Variants in ATP9B observed in about 807,000 individuals in gnomAD.
The protein encoded by ATP9B is probable phospholipid-transporting ATPase IIB.
In ATP9B, 110 loss-of-function variants were observed where a neutral mutation model predicts 146.1. The ratio of observed to expected loss-of-function variants is 0.75; its 90% CI spans 0.65 to 0.88. ATP9B has a LOEUF of 0.88. Among genes scored for constraint, ATP9B ranks in the 40% least tolerant of loss-of-function variants. The pLI, the probability that ATP9B is intolerant of heterozygous loss-of-function variation, is 0.00. For missense variants in ATP9B, 1,499 were observed against 1,496.4 expected, an observed-to-expected ratio of 1.00 and a Z score of -0.03; for synonymous variants, 604 against 569.7, an observed-to-expected ratio of 1.06 and a Z score of -0.86.
chr18:79,100,880 C>T (rs1047042181), intron 2 of ATP9B, among the ~76,000 whole-genome samples: 2 of 152,096 alleles, frequency 1.3e-5, no homozygotes, highest in Non-Finnish European at 2.9e-5. Context: ...CATCAGATCT[C>T]GTGAGACTCA....
chr18:79,104,695 G>A lies in ATP9B; in HGVS notation c.294-5660G>A, dbSNP rs76475825. ...TAGCAGCAAAAACACCCGTGTTTGCGGGAGTTAAAACAGCTTAGTAAAATA... is the reference window on the plus strand; with the variant it reads ...TAGCAGCAAAAACACCCGTGTTTGCAGGAGTTAAAACAGCTTAGTAAAATA... On this transcript the variant is annotated intron_variant, in intron 2 of 29. Transcript: ENST00000426216. 5.5e-3 allele frequency among the ~76,000 whole-genome samples: 836 copies of A among 152,056 alleles called. 9 individuals are homozygous for A. The highest frequency in any genetic ancestry group is 0.019 in the African/African-American group (804 of 41,478).
intron 8 of ATP9B, among the ~76,000 whole-genome samples, chr18:79,182,510 G>A (rs980548542): frequency 6.6e-6 from 1 of 151,950 alleles, no homozygotes; most frequent in African/African-American, 2.4e-5. Flanking sequence ...TGTCTAAAGT[G>A]GTAAATCTCT....
chr18:79,309,759 A>G (rs1162007803), intron 15 of ATP9B, among the ~76,000 whole-genome samples: 3 of 152,176 alleles, frequency 2.0e-5, no homozygotes, highest in African/African-American at 7.2e-5. Flanking sequence ...CGTGTTGGTT[A>G]CGCAACTCTG....
chr18:79,327,813 GTTCT>G (rs2096765041), intron 15 of ATP9B, among the ~76,000 whole-genome samples: 1 of 126,368 alleles, frequency 7.9e-6, no homozygotes, highest in African/African-American at 3.0e-5. Context: ...TGGTTAGCGT[GTTCT>G]CCGTGGTTAG....
At chr18:79,335,544 T>C (rs913612302) in intron 17 of ATP9B, among the ~76,000 whole-genome samples, 4 of 152,252 alleles carry the variant, frequency 2.6e-5, no homozygotes, top group African/African-American at 9.6e-5. Flanking sequence ...CATGTCTTGC[T>C]TTAACACGCA....
intron 10 of ATP9B, 94 bp from the exon 11 acceptor site, chr18:79,213,868 G>A: frequency 2.2e-6 from 2 of 916,696 alleles, no homozygotes; most frequent in South Asian, 1.8e-5. Context: ...CAAATAGTGT[G>A]ATAATACTTT....
At chr18:79,211,401 G>C (rs901528846) in intron 10 of ATP9B, among the ~76,000 whole-genome samples, 15 of 152,214 alleles carry the variant, frequency 9.9e-5, no homozygotes, top group African/African-American at 3.6e-4. Context: ...TGATTGAACA[G>C]AAGTTGGACA....
intron 19 of ATP9B, among the ~76,000 whole-genome samples, chr18:79,339,401 C>T (rs1305869254): frequency 1.4e-5 from 2 of 139,464 alleles, no homozygotes; most frequent in East Asian, 2.2e-4. Flanking sequence ...TGCATGATTG[C>T]AGTAGGAAGT....
chr18:79,373,825 G>T, intron 27 of ATP9B, 73 bp from the exon 28 acceptor site: 1 of 1,515,496 alleles, frequency 6.6e-7, no homozygotes, highest in Admixed American at 1.7e-5. Context: ...TGACGTTGCT[G>T]GTTCAAGGCT....
intron 7 of ATP9B, among the ~76,000 whole-genome samples, chr18:79,157,206 A>T (rs1055891994): frequency 8.9e-6 from 1 of 112,108 alleles, no homozygotes; most frequent in Non-Finnish European, 1.8e-5. Flanking sequence ...ACTAAAAAAA[A>T]TACACACACA....
At chr18:79,317,094 G>T (rs2096684969) in intron 15 of ATP9B, among the ~76,000 whole-genome samples, 1 of 152,052 alleles carries the variant, frequency 6.6e-6, no homozygotes, top group Non-Finnish European at 1.5e-5. Flanking sequence ...GACGAGAAAA[G>T]AAATTTAGAA....
At chr18:79,222,513 G>A (rs2095689977) in intron 11 of ATP9B, among the ~76,000 whole-genome samples, 1 of 152,184 alleles carries the variant, frequency 6.6e-6, no homozygotes, top group South Asian at 2.1e-4. Context: ...CCCACCCCCT[G>A]GAATGGGACC....
chr18:79,209,874 G>A (rs2095567875), intron 10 of ATP9B, among the ~76,000 whole-genome samples: 1 of 152,150 alleles, frequency 6.6e-6, no homozygotes, highest in South Asian at 2.1e-4. Flanking sequence ...AGGAATGTTT[G>A]AAAGATTTTA....
At chr18:79,079,539 C>A (rs1010310295) in intron 1 of ATP9B, among the ~76,000 whole-genome samples, 3 of 152,136 alleles carry the variant, frequency 2.0e-5, no homozygotes, top group African/African-American at 7.2e-5. Context: ...GTAGATTCTG[C>A]ATATTAGCCC....
intron 11 of ATP9B, among the ~76,000 whole-genome samples, chr18:79,229,369 T>C (rs543578861): frequency 7.6e-4 from 116 of 152,238 alleles, no homozygotes; most frequent in African/African-American, 2.8e-3. Context: ...AGGCAACAGT[T>C]TTCTTAAGTT....
intron 6 of ATP9B, among the ~76,000 whole-genome samples, chr18:79,154,121 T>G (rs1053816325): frequency 9.1e-5 from 11 of 120,402 alleles, no homozygotes; most frequent in African/African-American, 3.6e-4. Flanking sequence ...GCCCAGCTAA[T>G]TTTTTGCATT....
At chr18:79,160,923 C>A (rs2094869959) in intron 7 of ATP9B, among the ~76,000 whole-genome samples, 1 of 152,182 alleles carries the variant, frequency 6.6e-6, no homozygotes, top group South Asian at 2.1e-4. Flanking sequence ...AGGCACGCCA[C>A]CACTCCTGGC....
At chr18:79,173,495 G>T (rs1428248276) in intron 7 of ATP9B, among the ~76,000 whole-genome samples, 1 of 151,152 alleles carries the variant, frequency 6.6e-6, no homozygotes, top group Admixed American at 6.6e-5. Flanking sequence ...GTTAATTACT[G>T]TATAAGATGT....
At chr18:79,366,824 G>T (rs1186966583) in intron 26 of ATP9B, among the ~76,000 whole-genome samples, 2 of 152,222 alleles carry the variant, frequency 1.3e-5, no homozygotes, top group African/African-American at 4.8e-5. Context: ...TACAAGATGA[G>T]CCTGAAACTT....
Sources: allele counts gnomAD v4.1 joint callset (sites outside exome capture counted in the v4.1 genomes callset), GRCh38; gene constraint gnomAD v4.1.1; transcripts MANE v1.5; gene names NCBI Gene and HGNC (gene_info 2026-07-23, HGNC 2026-07-21).